Variants in SMAP1 observed in about 807,000 individuals in gnomAD.
SMAP1 encodes the protein stromal membrane-associated protein 1.
A neutral mutation model predicts 58.5 loss-of-function variants in SMAP1; 24 were observed. The ratio of observed to expected loss-of-function variants is 0.41; its 90% CI spans 0.30 to 0.58. The LOEUF is 0.58. Ranked by LOEUF, SMAP1 falls within the 20% of genes least tolerant of loss-of-function variation. SMAP1 has a pLI of 0.29. For synonymous variants in SMAP1, 216 were observed against 196.6 expected (o/e 1.10, Z -0.82); for missense variants, 563 against 566.3 (o/e 0.99, Z 0.06).
chr6:70,841,380 G>A (rs959828384), intron 7 of SMAP1, among the ~76,000 whole-genome samples: 3 of 152,156 alleles, frequency 2.0e-5, no homozygotes, highest in Non-Finnish European at 2.9e-5. Context: ...TGTATGTGTC[G>A]GGTGCACTGC....
At chr6:70,844,281 T>C (rs1016583070) in intron 7 of SMAP1, among the ~76,000 whole-genome samples, 2 of 152,218 alleles carry the variant, frequency 1.3e-5, no homozygotes, top group Admixed American at 1.3e-4. Flanking sequence ...TTCCTCCTTA[T>C]ACCACTTCTC....
At chr6:70,759,782 G>T (rs1305250085) in intron 3 of SMAP1, 3 of 345,434 alleles carry the variant, frequency 8.7e-6, no homozygotes, top group African/African-American at 4.3e-5. Context: ...TTTTTATAGT[G>T]AATTGATTGG....
intron 7 of SMAP1, among the ~76,000 whole-genome samples, chr6:70,840,499 T>G (rs1297491857): frequency 1.3e-5 from 2 of 152,214 alleles, no homozygotes; most frequent in African/African-American, 4.8e-5. Flanking sequence ...TTATGATCTC[T>G]TACAACTATT....
At chr6:70,808,118 GGAA>G (rs1446179916) in intron 6 of SMAP1, among the ~76,000 whole-genome samples, 2 of 152,124 alleles carry the variant, frequency 1.3e-5, no homozygotes, top group East Asian at 1.9e-4. Flanking sequence ...TGACTGAGGG[GGAA>G]GAAGAAGAGG....
intron 6 of SMAP1, among the ~76,000 whole-genome samples, chr6:70,810,342 G>T (rs1019518932): frequency 3.3e-5 from 5 of 151,956 alleles, no homozygotes; most frequent in Non-Finnish European, 7.4e-5. Context: ...TCTTTCTTCT[G>T]CTTCCCCATA....
At chr6:70,768,840 A>G (rs1159369671) in intron 3 of SMAP1, among the ~76,000 whole-genome samples, 4 of 151,936 alleles carry the variant, frequency 2.6e-5, no homozygotes, top group South Asian at 2.1e-4. Flanking sequence ...TAATTGTGAT[A>G]TTAGGGTGTC....
intron 1 of SMAP1, among the ~76,000 whole-genome samples, chr6:70,705,726 T>C (rs1582033745): frequency 6.6e-6 from 1 of 152,080 alleles, no homozygotes; most frequent in Non-Finnish European, 1.5e-5. Flanking sequence ...GAGTGACAGG[T>C]ATAGCGTTCT....
rs377595397 is a variant in SMAP1, at chr6:70,798,399, A to G, written c.496-258A>G. Among the ~76,000 whole-genome samples, 37 of 152,066 alleles carry G rather than the reference A, an allele frequency of 2.4e-4. No individual in the cohort carries two copies. In the South Asian group the frequency reaches 7.1e-3, roughly 29 times the overall value. On this transcript the variant is annotated intron_variant, in intron 5 of 10. Transcript: ENST00000370455. The stretch of plus-strand genomic sequence containing the variant: ...TTAAAACAAGCATGAAACAAACCCT[A>G]CTATATCAAAGAAGTTCTAAATTGT...
Position 70,806,103 on chromosome 6 carries a change from C to T in SMAP1, c.576+7366C>T, listed in dbSNP as rs551034913. On this transcript the variant is annotated intron_variant, in intron 6 of 10. Transcript: ENST00000370455. ...CTGCTGCCTTTTGTTTAGCTATGCC[C>T]TGTCCACTGAGGTGGAGTCTATAGA... Among the ~76,000 whole-genome samples, 325 of 152,340 alleles carry T rather than the reference C, an allele frequency of 2.1e-3. 1 individual carries two copies. The highest frequency in any genetic ancestry group is 2.6e-3 in the Non-Finnish European group (176 of 68,040).
At chr6:70,721,127 A>G (rs145880311) in intron 1 of SMAP1, among the ~76,000 whole-genome samples, 112 of 152,308 alleles carry the variant, frequency 7.4e-4, no homozygotes, top group African/African-American at 2.7e-3. Context: ...TCCCTAGAAA[A>G]TGGGTTTTTC....
chr6:70,726,424 A>C (rs1201957047), intron 1 of SMAP1, among the ~76,000 whole-genome samples: 1 of 152,214 alleles, frequency 6.6e-6, no homozygotes, highest in African/African-American at 2.4e-5. Context: ...CAGATAAAAC[A>C]ATTAACTGTA....
chr6:70,701,490 A>G (rs542345163), intron 1 of SMAP1, among the ~76,000 whole-genome samples: 4 of 152,320 alleles, frequency 2.6e-5, no homozygotes, highest in Non-Finnish European at 4.4e-5. Flanking sequence ...TTAGGACCCT[A>G]GAGTGCTTTA....
At chr6:70,761,900 T>A (rs1766761435) in intron 3 of SMAP1, among the ~76,000 whole-genome samples, 2 of 152,136 alleles carry the variant, frequency 1.3e-5, no homozygotes, top group South Asian at 4.1e-4. Context: ...TATGTATATC[T>A]TAATCTTCAA....
rs1019719795 is a variant in SMAP1 at position 70,852,584 on chromosome 6, C to T, written c.709C>T (p.Pro237Ser). 2.5e-6 allele frequency: 4 copies of T among 1,609,106 alleles called. No homozygotes were observed. The highest frequency in any genetic ancestry group is 1.3e-5 in the African/African-American group (1 of 74,702). The change falls in exon 8 of 11, where the codon CCA becomes TCA. Residue 237 changes from proline to serine, a missense_variant. Physicochemically the swap from Pro to Ser is moderately conservative, Grantham distance 74. Coordinates refer to ENST00000370455, the MANE Select transcript of SMAP1 (RefSeq NM_001044305.3). ...APVTNGNTTV[P>S]PLNDDLDIFG... Reference sequence around the variant, plus strand: ...AGTGACCAACGGGAACACAACGGTGCCACCCCTGAACGATGATCTGGACAT... The same window carrying T: ...AGTGACCAACGGGAACACAACGGTGTCACCCCTGAACGATGATCTGGACAT...
chr6:70,762,308 T>A (rs1766783643), intron 3 of SMAP1, among the ~76,000 whole-genome samples: 1 of 152,148 alleles, frequency 6.6e-6, no homozygotes, highest in African/African-American at 2.4e-5. Context: ...ATGAATGTTC[T>A]GTGGTCGCTT....
intron 5 of SMAP1, among the ~76,000 whole-genome samples, chr6:70,792,032 G>GC (rs1278718701): frequency 1.3e-5 from 2 of 151,938 alleles, no homozygotes; most frequent in Non-Finnish European, 2.9e-5. Flanking sequence ...TTGTTGTTGC[G>GC]CCCATTACTA....
chr6:70,779,637 CTT>C (rs1314181882), intron 4 of SMAP1, among the ~76,000 whole-genome samples: 1 of 152,130 alleles, frequency 6.6e-6, no homozygotes, highest in Non-Finnish European at 1.5e-5. Context: ...TGGCTTCCCT[CTT>C]GATGCTGCCA....
intron 2 of SMAP1, among the ~76,000 whole-genome samples, chr6:70,741,161 C>T (rs1435338715): frequency 6.6e-6 from 1 of 152,160 alleles, no homozygotes; most frequent in Non-Finnish European, 1.5e-5. Context: ...CCAATCATGC[C>T]TTCCCAGCAG....
chr6:70,675,583 G>A (rs996879515), intron 1 of SMAP1, among the ~76,000 whole-genome samples: 9 of 151,678 alleles, frequency 5.9e-5, no homozygotes, highest in African/African-American at 1.7e-4. Flanking sequence ...ACCGGAATGC[G>A]GAGCTTACAG....
Sources: gnomAD v4.1 joint callset for allele counts (sites outside exome capture counted in the v4.1 genomes callset) on GRCh38, gnomAD v4.1.1 for gene constraint, MANE v1.5 for transcripts, NCBI Gene and HGNC (gene_info 2026-07-23, HGNC 2026-07-21) for gene names.